CAMSAP2: variants seen among roughly 807,000 people sequenced by gnomAD.
The protein encoded by CAMSAP2 is calmodulin regulated spectrin associated protein family member 2, also known as calmodulin-regulated spectrin-associated protein 2.
Under a neutral mutation model 146.1 loss-of-function variants are expected in CAMSAP2, and 26 were observed. The ratio of observed to expected loss-of-function variants is 0.18; its 90% CI spans 0.13 to 0.25. The LOEUF (loss-of-function observed/expected upper bound fraction) is 0.25. Among genes scored for constraint, CAMSAP2 ranks in the 10% least tolerant of loss-of-function variants. CAMSAP2 has a pLI of 1.00. For missense variants in CAMSAP2, 1,381 were observed against 1,759.3 expected (o/e 0.78, Z 3.85); for synonymous variants, 499 against 596.6 (o/e 0.84, Z 2.38).
At chr1:200,758,514 G>A (rs1382539002) in intron 1 of CAMSAP2, among the ~76,000 whole-genome samples, 1 of 152,194 alleles carries the variant, frequency 6.6e-6, no homozygotes, top group Non-Finnish European at 1.5e-5. Flanking sequence ...ACTGGGTAGT[G>A]CATCTACGAA....
At chr1:200,817,231 TATACACAC>T (rs1359645058) in intron 4 of CAMSAP2, among the ~76,000 whole-genome samples, 13 of 81,364 alleles carry the variant, frequency 1.6e-4, no homozygotes, top group African/African-American at 3.9e-4. Context: ...TGTGTGTGTA[TATACACAC>T]ATACACACAT....
chr1:200,763,467 A>C (rs1013554329), intron 2 of CAMSAP2, among the ~76,000 whole-genome samples: 1 of 152,132 alleles, frequency 6.6e-6, no homozygotes. Context: ...TGAACCCAGG[A>C]GGTGGAAGTT....
At chr1:200,847,546 A>G (rs1177445925) in intron 9 of CAMSAP2, 94 bp from the exon 10 acceptor site, 5 of 984,736 alleles carry the variant, frequency 5.1e-6, no homozygotes, top group Middle Eastern at 2.5e-4. Context: ...TTGTATTGCT[A>G]TTAATGAATC....
At chr1:200,845,578 G>A (rs1426385818) in intron 8 of CAMSAP2, among the ~76,000 whole-genome samples, 1 of 152,122 alleles carries the variant, frequency 6.6e-6, no homozygotes, top group Admixed American at 6.5e-5. Flanking sequence ...TGCGGAATAA[G>A]CTCCTCCTTG....
At chr1:200,835,551 G>A (rs1241984882) in intron 6 of CAMSAP2, among the ~76,000 whole-genome samples, 1 of 152,132 alleles carries the variant, frequency 6.6e-6, no homozygotes, top group Non-Finnish European at 1.5e-5. Context: ...CAGTGGTAAA[G>A]ACATTTCTAA....
chr1:200,782,034 T>G (rs1473375665), intron 2 of CAMSAP2, among the ~76,000 whole-genome samples: 1 of 152,212 alleles, frequency 6.6e-6, no homozygotes, highest in African/African-American at 2.4e-5. Context: ...ACAGTGAAGT[T>G]TGAAGATTAT....
intron 2 of CAMSAP2, among the ~76,000 whole-genome samples, chr1:200,773,528 A>G (rs1475001951): frequency 6.6e-6 from 1 of 152,212 alleles, no homozygotes. Context: ...AAGTGCTGGG[A>G]CTACAGGTGT....
Position 200,815,593 on chromosome 1 carries a change from A to T in CAMSAP2, c.594A>T (p.Gln198His), listed in dbSNP as rs759832629. The T allele has an allele frequency of 2.5e-6, 4 of 1,576,962 alleles. No homozygotes were observed. The Admixed American group carries it at 7.4e-5, about 29-fold the overall frequency. ...AACATTTGAAAGACATAATGGAACA[A>T]GAACAAAAACTGAAAGAACATCACA... is the stretch of plus-strand genomic sequence containing the variant. ...VNEHLKDIME[Q>H]EQKLKEHHTV... The change falls in exon 4 of 17, where the codon CAA (glutamine) becomes CAT (histidine). Residue 198 changes from glutamine (Q) to histidine (H), a missense_variant. By Grantham distance (24) the Gln-to-His change is conservative (BLOSUM62 0). Around this residue, in one of 4 missense-constraint regions of CAMSAP2, gnomAD observed 284 missense variants for 406.9 expected, o/e 0.70. Coordinates refer to ENST00000358823, the MANE Select transcript of CAMSAP2 (RefSeq NM_203459.4).
At position 200,845,925 on chromosome 1, in the gene CAMSAP2, A is replaced by G. The variant is rs554487794; in HGVS notation, c.1109+1056A>G. 5.3e-5 allele frequency among the ~76,000 whole-genome samples: 8 copies of G among 152,320 alleles called. No homozygotes were observed. In the South Asian group the frequency reaches 1.2e-3, roughly 24 times the overall value. Reference sequence around the variant, plus strand: ...TAATCCTGACTTCTCACCCAGGTATATGATAGGGACATTAGTTTGTTTAAA... The same window carrying G: ...TAATCCTGACTTCTCACCCAGGTATGTGATAGGGACATTAGTTTGTTTAAA... On this transcript the variant is annotated intron_variant, in intron 8 of 16. Coordinates refer to ENST00000358823, the MANE Select transcript of CAMSAP2 (RefSeq NM_203459.4).
chr1:200,812,189 A>T (rs918386652), intron 3 of CAMSAP2, among the ~76,000 whole-genome samples: 2 of 152,316 alleles, frequency 1.3e-5, no homozygotes, highest in African/African-American at 4.8e-5. Flanking sequence ...AGGTACAATG[A>T]ACTTTTTATT....
chr1:200,825,771 G>T (rs867472748), intron 4 of CAMSAP2, among the ~76,000 whole-genome samples: 7 of 152,162 alleles, frequency 4.6e-5, no homozygotes, highest in African/African-American at 9.7e-5. Context: ...CTCCCAAAGT[G>T]CTGGGATTAC....
At chr1:200,841,351 A>G (rs1667318043) in intron 6 of CAMSAP2, among the ~76,000 whole-genome samples, 2 of 152,110 alleles carry the variant, frequency 1.3e-5, no homozygotes, top group African/African-American at 2.4e-5. Context: ...GGTTCAAGCT[A>G]TTCTCCTACC....
intron 1 of CAMSAP2, among the ~76,000 whole-genome samples, chr1:200,752,747 G>T (rs989053763): frequency 4.0e-5 from 6 of 151,866 alleles, no homozygotes; most frequent in Non-Finnish European, 8.8e-5. Flanking sequence ...CTCCCAAGTA[G>T]CTGGGACTAC....
intron 2 of CAMSAP2, among the ~76,000 whole-genome samples, chr1:200,804,217 C>T (rs1454372727): frequency 5.3e-5 from 8 of 152,052 alleles, no homozygotes; most frequent in East Asian, 1.9e-4. Flanking sequence ...TGAGCCACCG[C>T]GCCTGGCCAG....
chr1:200,810,432 T>C (rs1666297434), intron 3 of CAMSAP2, among the ~76,000 whole-genome samples: 1 of 151,956 alleles, frequency 6.6e-6, no homozygotes, highest in Non-Finnish European at 1.5e-5. Flanking sequence ...AGTAATTAGC[T>C]GGGTATGGTG....
intron 2 of CAMSAP2, among the ~76,000 whole-genome samples, chr1:200,804,593 A>G (rs1396323832): frequency 6.6e-6 from 1 of 152,208 alleles, no homozygotes; most frequent in Non-Finnish European, 1.5e-5. Flanking sequence ...GCTGTTAAAC[A>G]GGAATTTACT....
At chr1:200,821,334 C>A (rs1423739722) in intron 4 of CAMSAP2, among the ~76,000 whole-genome samples, 1 of 152,026 alleles carries the variant, frequency 6.6e-6, no homozygotes, top group Non-Finnish European at 1.5e-5. Flanking sequence ...AGGCATGTGC[C>A]ACCATGCCTA....
intron 2 of CAMSAP2, among the ~76,000 whole-genome samples, chr1:200,773,638 C>T (rs960032500): frequency 2.0e-5 from 3 of 152,064 alleles, no homozygotes; most frequent in Non-Finnish European, 2.9e-5. Flanking sequence ...TGTAAGTTAG[C>T]GTCAGTGTCT....
intron 1 of CAMSAP2, among the ~76,000 whole-genome samples, chr1:200,744,701 T>G (rs1378101133): frequency 6.6e-6 from 1 of 152,040 alleles, no homozygotes; most frequent in Non-Finnish European, 1.5e-5. Context: ...TCATCAGTGG[T>G]CTGTGAAGGA....
Sources: allele counts gnomAD v4.1 joint callset (sites outside exome capture counted in the v4.1 genomes callset), GRCh38; gene constraint gnomAD v4.1.1; regional missense constraint gnomAD v4.1.1; transcripts MANE v1.5; gene names NCBI Gene and HGNC (gene_info 2026-07-23, HGNC 2026-07-21).